The following GSE1 variants were observed in gnomAD, a reference collection of about 807,000 sequenced individuals.
GSE1 encodes the protein genetic suppressor element 1.
GSE1 carries 32 observed loss-of-function variants against 112.6 expected under a neutral mutation model. The observed-to-expected ratio is 0.28, with a 90% CI of 0.21 to 0.38. The LOEUF (loss-of-function observed/expected upper bound fraction) is 0.38, where lower values mean the gene tolerates loss of function less well. GSE1 is among the 10% of genes least tolerant of loss of function. The pLI, the probability that GSE1 is intolerant of heterozygous loss-of-function variation, is 1.00. For synonymous variants in GSE1, 1,115 were observed against 735.6 expected (o/e 1.52, Z -8.35); for missense variants, 2,348 against 1,699.2 (o/e 1.38, Z -6.71).
intron 2 of GSE1, among the ~76,000 whole-genome samples, chr16:85,531,240 G>T (rs1452199559): frequency 1.3e-5 from 2 of 152,192 alleles, no homozygotes; most frequent in East Asian, 1.9e-4. Flanking sequence ...GAGACGGCTG[G>T]GGTGTTGAGC....
At chr16:85,422,459 C>A (rs60809509) in intron 2 of GSE1, among the ~76,000 whole-genome samples, 4 of 151,606 alleles carry the variant, frequency 2.6e-5, no homozygotes, top group Admixed American at 6.6e-5. Context: ...GGGGCCCACG[C>A]GGGAGGCAGT....
chr16:85,595,284 C>CT (rs1461966242), intron 1 of GSE1: 1 of 152,274 alleles, frequency 6.6e-6, no homozygotes, highest in Non-Finnish European at 1.5e-5. Context: ...TACCTGGGGT[C>CT]TTCTAGCATT....
At chr16:85,347,375 C>T (rs1170040881) in intron 1 of GSE1, among the ~76,000 whole-genome samples, 1 of 152,160 alleles carries the variant, frequency 6.6e-6, no homozygotes, top group South Asian at 2.1e-4. Context: ...CCTGGCCCGG[C>T]TGGATTCCCC....
chr16:85,575,131 C>T (rs2046174589), intron 1 of GSE1, among the ~76,000 whole-genome samples: 1 of 150,174 alleles, frequency 6.7e-6, no homozygotes, highest in African/African-American at 2.4e-5. Flanking sequence ...ATTTATCACA[C>T]CTTGGCGCTA....
intron 2 of GSE1, among the ~76,000 whole-genome samples, chr16:85,383,662 C>T (rs2151627543): frequency 6.6e-6 from 1 of 152,194 alleles, no homozygotes; most frequent in Non-Finnish European, 1.5e-5. Context: ...TTCCTGCCTC[C>T]CTCTCATTGC....
At chr16:85,255,871 A>G (rs1358546114) in intron 1 of GSE1, among the ~76,000 whole-genome samples, 1 of 151,504 alleles carries the variant, frequency 6.6e-6, no homozygotes, top group Non-Finnish European at 1.5e-5. Flanking sequence ...AAATTTTTGT[A>G]GAGATGGGGT....
At chr16:85,614,189 C>T (rs2048211663) in intron 1 of GSE1, among the ~76,000 whole-genome samples, 1 of 152,104 alleles carries the variant, frequency 6.6e-6, no homozygotes, top group East Asian at 1.9e-4. Flanking sequence ...CTCCCCGGCC[C>T]TTCCTGCTCC....
chr16:85,516,789 G>A (rs2051956165), intron 2 of GSE1, among the ~76,000 whole-genome samples: 1 of 140,726 alleles, frequency 7.1e-6, no homozygotes, highest in African/African-American at 2.6e-5. Context: ...GCAGGGATGT[G>A]TCTTGGTTCT....
chr16:85,191,412 T>A (rs943116251), intron 1 of GSE1, among the ~76,000 whole-genome samples: 2 of 152,198 alleles, frequency 1.3e-5, no homozygotes. Flanking sequence ...TCTTAGAAAT[T>A]CACCCCTGAA....
intron 1 of GSE1, among the ~76,000 whole-genome samples, chr16:85,305,532 G>A (rs1166477056): frequency 6.6e-6 from 1 of 152,104 alleles, no homozygotes; most frequent in Admixed American, 6.5e-5. Flanking sequence ...CCAGGCTGGA[G>A]TGCAGTGGTG....
chr16:85,170,310 C>G, exon 1 of GSE1: 1 of 985,532 alleles, frequency 1.0e-6, no homozygotes, highest in Non-Finnish European at 1.2e-6. Context: ...TTGGGAGGCA[C>G]TGGGTTCCCG....
chr16:85,613,627 G>A (rs1349012428), intron 1 of GSE1, among the ~76,000 whole-genome samples: 1 of 151,644 alleles, frequency 6.6e-6, no homozygotes, highest in African/African-American at 2.4e-5. Flanking sequence ...GCGGGGACTC[G>A]GGGGCTCCGG....
intron 1 of GSE1, among the ~76,000 whole-genome samples, chr16:85,214,253 C>G (rs915769843): frequency 6.6e-6 from 1 of 151,998 alleles, no homozygotes; most frequent in Non-Finnish European, 1.5e-5. Flanking sequence ...GCCCCCCCAC[C>G]CAGATTCTTG....
At chr16:85,223,794 G>A (rs2075434312) in intron 1 of GSE1, among the ~76,000 whole-genome samples, 1 of 151,712 alleles carries the variant, frequency 6.6e-6, no homozygotes, top group African/African-American at 2.4e-5. Context: ...TAGTGGAGAT[G>A]GGGTTTCACC....
chr16:85,212,038 G>A (rs185420901), intron 1 of GSE1, among the ~76,000 whole-genome samples: 10 of 152,334 alleles, frequency 6.6e-5, no homozygotes, highest in African/African-American at 2.4e-4. Flanking sequence ...TCAACTTTGT[G>A]TGTTGCAGCC....
chr16:85,537,009 C>G (rs1381438879), intron 2 of GSE1, among the ~76,000 whole-genome samples: 1 of 152,154 alleles, frequency 6.6e-6, no homozygotes, highest in Non-Finnish European at 1.5e-5. Flanking sequence ...GGCCCCACCC[C>G]GACGAGTGGG....
chr16:85,274,918 C>T (rs542811293), intron 1 of GSE1, among the ~76,000 whole-genome samples: 12 of 152,370 alleles, frequency 7.9e-5, no homozygotes, highest in South Asian at 2.1e-4. Flanking sequence ...GTTCCAGTTC[C>T]GGCCCCTCCT....
intron 2 of GSE1, among the ~76,000 whole-genome samples, chr16:85,385,006 C>T (rs1000796483): frequency 3.9e-5 from 6 of 152,354 alleles, no homozygotes; most frequent in Admixed American, 6.5e-5. Context: ...CGGATTGGCT[C>T]GGCCAGATGC....
chr16:85,341,335 A>G (rs1322101022), intron 1 of GSE1, among the ~76,000 whole-genome samples: 1 of 152,114 alleles, frequency 6.6e-6, no homozygotes, highest in African/African-American at 2.4e-5. Context: ...GATCACAGGC[A>G]TGTGCTACCA....
Sources: allele counts gnomAD v4.1 joint callset (sites outside exome capture counted in the v4.1 genomes callset), GRCh38; gene constraint gnomAD v4.1.1; transcripts MANE v1.5; gene names NCBI Gene and HGNC (gene_info 2026-07-23, HGNC 2026-07-21).